The following AUTS2 variants were observed in gnomAD, a reference collection of about 807,000 sequenced individuals.
The protein encoded by AUTS2 is autism susceptibility gene 2 protein.
A neutral mutation model predicts 112.4 loss-of-function variants in AUTS2; 17 were observed. The observed-to-expected ratio is 0.15, with a 90% confidence interval of 0.10 to 0.23. The LOEUF is 0.23. AUTS2 is among the 10% of genes least tolerant of loss of function. AUTS2 has a pLI of 1.00. For missense variants in AUTS2, 1,510 were observed against 1,701.6 expected (o/e 0.89, Z 1.98); for synonymous variants, 751 against 702.7 (o/e 1.07, Z -1.09).
intron 5 of AUTS2, among the ~76,000 whole-genome samples, chr7:70,693,709 A>G (rs1451428943): frequency 1.3e-5 from 2 of 152,258 alleles, no homozygotes; most frequent in African/African-American, 4.8e-5. Flanking sequence ...TGCTCTTTGC[A>G]GATGTGACTG....
intron 4 of AUTS2, among the ~76,000 whole-genome samples, chr7:70,316,549 C>T (rs1790007788): frequency 6.6e-6 from 1 of 151,850 alleles, no homozygotes; most frequent in Non-Finnish European, 1.5e-5. Flanking sequence ...GATTACCCGC[C>T]ACCACATCTG....
intron 5 of AUTS2, among the ~76,000 whole-genome samples, chr7:70,580,629 A>C (rs137937271): frequency 2.0e-5 from 3 of 152,098 alleles, no homozygotes; most frequent in African/African-American, 7.2e-5. Context: ...AGCTGAACAC[A>C]CCAGACTCCC....
At chr7:69,849,388 T>C (rs1792357692) in intron 1 of AUTS2, among the ~76,000 whole-genome samples, 1 of 152,208 alleles carries the variant, frequency 6.6e-6, no homozygotes, top group Admixed American at 6.5e-5. Flanking sequence ...GTACAATATA[T>C]GTGTATAGCT....
intron 4 of AUTS2, among the ~76,000 whole-genome samples, chr7:70,179,239 T>G (rs1378871984): frequency 6.6e-6 from 1 of 152,216 alleles, no homozygotes; most frequent in Non-Finnish European, 1.5e-5. Context: ...GTCCTTCACA[T>G]TCTTACAGAC....
intron 5 of AUTS2, among the ~76,000 whole-genome samples, chr7:70,547,659 A>T (rs145759526): frequency 1.8e-3 from 268 of 152,346 alleles, no homozygotes; most frequent in African/African-American, 6.2e-3. Flanking sequence ...ATTGCTGAAT[A>T]GTATTCCATT....
intron 4 of AUTS2, among the ~76,000 whole-genome samples, chr7:70,300,594 C>T (rs994873371): frequency 1.3e-5 from 2 of 152,074 alleles, no homozygotes; most frequent in African/African-American, 4.8e-5. Flanking sequence ...GTTTGTAGAA[C>T]ACATCTTTTT....
At chr7:69,621,239 C>T (rs1012612158) in intron 1 of AUTS2, among the ~76,000 whole-genome samples, 2 of 152,068 alleles carry the variant, frequency 1.3e-5, no homozygotes, top group Non-Finnish European at 2.9e-5. Context: ...ACGAGTGTGT[C>T]AGTGGTGGAG....
At chr7:70,053,001 A>G (rs573486095) in intron 2 of AUTS2, among the ~76,000 whole-genome samples, 9 of 152,340 alleles carry the variant, frequency 5.9e-5, no homozygotes, top group Non-Finnish European at 4.4e-5. Context: ...AAGCACAGCT[A>G]TTAATTTGCT....
chr7:69,627,713 C>T lies in AUTS2; in HGVS notation c.309+27751C>T, dbSNP rs370411394. On this transcript the variant is annotated intron_variant, in intron 1 of 18. Coordinates refer to ENST00000342771, the MANE Select transcript of AUTS2 (RefSeq NM_015570.4). ...AGATGAATCTTGCTTTTTGAGGTCA[C>T]GGTGTCCTGTGGATTGAGTAGAAGC... is the stretch of plus-strand genomic sequence containing the variant. Among the ~76,000 whole-genome samples the T allele has an allele frequency of 1.2e-4, 18 of 152,044 alleles. No individual in the cohort carries two copies. In the East Asian group the frequency reaches 3.3e-3, roughly 28 times the overall value.
At chr7:70,688,303 A>C (rs1808570608) in intron 5 of AUTS2, among the ~76,000 whole-genome samples, 1 of 152,204 alleles carries the variant, frequency 6.6e-6, no homozygotes. Context: ...ACAAATTCTA[A>C]GATGTGAATT....
At chr7:69,937,263 C>A (rs1032826197) in intron 2 of AUTS2, among the ~76,000 whole-genome samples, 2 of 152,180 alleles carry the variant, frequency 1.3e-5, no homozygotes, top group African/African-American at 4.8e-5. Context: ...ACTTTGGCCA[C>A]AGATAAGAGT....
At chr7:70,707,181 A>G (rs1373561384) in intron 6 of AUTS2, among the ~76,000 whole-genome samples, 2 of 152,268 alleles carry the variant, frequency 1.3e-5, no homozygotes, top group East Asian at 3.8e-4. Context: ...TAATCTTCAC[A>G]GCAGCTCTTA....
chr7:70,287,241 G>T (rs753447395), intron 4 of AUTS2, among the ~76,000 whole-genome samples: 2 of 152,128 alleles, frequency 1.3e-5, no homozygotes, highest in African/African-American at 2.4e-5. Context: ...ATAGGGTGTG[G>T]TCCTATGATG....
intron 4 of AUTS2, among the ~76,000 whole-genome samples, chr7:70,166,693 A>C (rs1808400319): frequency 6.6e-6 from 1 of 152,204 alleles, no homozygotes; most frequent in Admixed American, 6.5e-5. Flanking sequence ...AAGGCAAAAA[A>C]ATTAAGAAAA....
intron 1 of AUTS2, among the ~76,000 whole-genome samples, chr7:69,752,634 G>A (rs1787788673): frequency 6.6e-6 from 1 of 152,204 alleles, no homozygotes; most frequent in Non-Finnish European, 1.5e-5. Flanking sequence ...TTTTGAAATT[G>A]TGACACTCGC....
At chr7:70,629,753 G>A (rs1267967902) in intron 5 of AUTS2, among the ~76,000 whole-genome samples, 2 of 151,818 alleles carry the variant, frequency 1.3e-5, no homozygotes, top group Non-Finnish European at 2.9e-5. Context: ...ATTTACCTAA[G>A]GTTCTTTTTT....
chr7:70,685,186 T>C (rs1808406580), intron 5 of AUTS2, among the ~76,000 whole-genome samples: 1 of 151,950 alleles, frequency 6.6e-6, no homozygotes, highest in Non-Finnish European at 1.5e-5. Flanking sequence ...AGAAAAGTAG[T>C]TCTTGGCTGG....
intron 1 of AUTS2, among the ~76,000 whole-genome samples, chr7:69,649,125 G>A (rs921125246): frequency 2.6e-5 from 4 of 152,154 alleles, no homozygotes; most frequent in Admixed American, 1.3e-4. Flanking sequence ...TTGTACGTGT[G>A]TACATGGTGC....
At chr7:70,734,548 G>A (rs762685810) in intron 6 of AUTS2, among the ~76,000 whole-genome samples, 9 of 152,104 alleles carry the variant, frequency 5.9e-5, no homozygotes, top group Non-Finnish European at 1.3e-4. Context: ...ATGAGGTTTG[G>A]CGGGACATAT....
Sources: allele counts gnomAD v4.1 joint callset (sites outside exome capture counted in the v4.1 genomes callset), GRCh38; gene constraint gnomAD v4.1.1; transcripts MANE v1.5; gene names NCBI Gene and HGNC (gene_info 2026-07-23, HGNC 2026-07-21).